Variants in GOLGA1 observed in about 807,000 individuals in gnomAD.
The protein encoded by GOLGA1 is golgin A1, also known as golgin subfamily A member 1.
A neutral mutation model predicts 119.7 loss-of-function variants in GOLGA1; 63 were observed. The observed-to-expected ratio is 0.53, with a 90% CI of 0.43 to 0.65. The LOEUF (loss-of-function observed/expected upper bound fraction) is 0.65, where lower values mean the gene tolerates loss of function less well. GOLGA1 is among the 30% of genes least tolerant of loss of function. The probability of loss-of-function intolerance (pLI) is 0.00; values close to 1 mark genes in which losing one functional copy is unlikely to be tolerated. For synonymous variants in GOLGA1, 318 were observed against 333.4 expected (o/e 0.95, Z 0.50); for missense variants, 798 against 912.8 (o/e 0.87, Z 1.62).
At position 124,881,897 on chromosome 9, in the gene GOLGA1, C is replaced by T; in HGVS notation, c.2023G>A (p.Ala675Thr). 6.2e-7 allele frequency: 1 copy of T among 1,611,944 alleles called. No individual in the cohort carries two copies. Among genetic ancestry groups the T allele is most frequent in the Non-Finnish European group, 8.5e-7 (1 of 1,178,608 alleles). Residue 675 changes from alanine to threonine, a missense_variant, in exon 21 of 23, where the codon GCA (alanine) becomes ACA (threonine). By Grantham distance (58) the Ala-to-Thr change is moderately conservative. Coordinates refer to ENST00000373555, the MANE Select transcript of GOLGA1 (RefSeq NM_002077.4). This position sits in a 1 kb window ranked among gnomAD's most constrained non-coding sequence, Gnocchi z 4.9. ...EVREKPGPEM[A>T]NMAPSVTNNT... Reference sequence around the variant, plus strand: ...TTCGTGACGGAAGGCGCCATGTTTGCCATCTCAGGTCCAGGTTTCTCCCGG... The same window carrying T: ...TTCGTGACGGAAGGCGCCATGTTTGTCATCTCAGGTCCAGGTTTCTCCCGG...
chr9:124,918,330 C>T (rs1003512795), intron 10 of GOLGA1, among the ~76,000 whole-genome samples: 1 of 152,164 alleles, frequency 6.6e-6, no homozygotes, highest in African/African-American at 2.4e-5. Flanking sequence ...TATGAACACC[C>T]AGCACAGAGC....
intron 10 of GOLGA1, among the ~76,000 whole-genome samples, chr9:124,920,444 T>C (rs978479826): frequency 6.6e-6 from 1 of 152,306 alleles, no homozygotes; most frequent in Non-Finnish European, 1.5e-5. Context: ...TTCATCTTTA[T>C]ATTCTCAGAG....
rs1406050606 is a variant in GOLGA1 at position 124,938,699 on chromosome 9, G to C, written c.13C>G (p.Leu5Val). Reference sequence around the variant, plus strand: ...GTCTCTTCTGCAATTTTCTTCTTCAGTTTTGCAAACATGTTTGCTGTGTGG... The same window carrying C: ...GTCTCTTCTGCAATTTTCTTCTTCACTTTTGCAAACATGTTTGCTGTGTGG... MFAKLKKKIAEETAV... is the reference protein window; with the variant it reads MFAKVKKKIAEETAV... Residue 5 changes from leucine to valine, a missense_variant, in exon 3 of 23, where the codon CTG becomes GTG. Leu to Val is a conservative substitution (Grantham distance 32). Transcript: ENST00000373555. 1 of 1,613,454 alleles carries C rather than the reference G, an allele frequency of 6.2e-7. No individual in the cohort carries two copies. Among genetic ancestry groups the C allele is most frequent in the Admixed American group, 1.7e-5 (1 of 59,872 alleles).
chr9:124,921,944 A>G (rs776763531), intron 8 of GOLGA1, 52 bp from the exon 9 acceptor site: 1 of 1,462,642 alleles, frequency 6.8e-7, no homozygotes, highest in Middle Eastern at 1.8e-4. Flanking sequence ...AAATACACTT[A>G]AGATCAGGCA....
chr9:124,921,104 GGTC>G (rs1355458819), intron 10 of GOLGA1, 22 bp downstream of exon 10: 2 of 1,297,338 alleles, frequency 1.5e-6, no homozygotes, highest in Non-Finnish European at 2.2e-6. Context: ...TAGAAATCCA[GGTC>G]TTCTCCTCAT....
chr9:124,922,426 CT>C (rs1053976567), intron 8 of GOLGA1, among the ~76,000 whole-genome samples: 8 of 151,118 alleles, frequency 5.3e-5, no homozygotes, highest in African/African-American at 1.9e-4. Context: ...GGTAGTGCGC[CT>C]GTAGTCCCAG....
intron 16 of GOLGA1, 115 bp from the exon 17 acceptor site, chr9:124,889,651 C>T (rs1164897301): frequency 1.3e-5 from 10 of 762,580 alleles, no homozygotes; most frequent in Non-Finnish European, 1.9e-5. Context: ...CTGAAGTCCA[C>T]GACCCAGAGC....
chr9:124,944,265 A>G (rs1333508938), upstream of GOLGA1: 1 of 152,146 alleles, frequency 6.6e-6, no homozygotes, highest in East Asian at 1.9e-4. Flanking sequence ...ACAAGTTAAC[A>G]AAAACCATTC....
chr9:124,939,493 C>T (rs1030699507), intron 2 of GOLGA1, among the ~76,000 whole-genome samples: 31 of 150,066 alleles, frequency 2.1e-4, no homozygotes, highest in African/African-American at 7.1e-4. Context: ...TTTCTAGAGA[C>T]GCTGTGTGGT....
chr9:124,920,286 AT>A (rs113594549), intron 10 of GOLGA1, among the ~76,000 whole-genome samples: 5,113 of 139,218 alleles, frequency 0.037, 215 homozygotes, highest in East Asian at 0.24. Context: ...CAACTGGCTA[AT>A]TTTTTTTTTT....
intron 1 of GOLGA1, among the ~76,000 whole-genome samples, chr9:124,940,722 A>G (rs2274556): frequency 0.66 from 100,566 of 152,110 alleles, 33,892 homozygotes; most frequent in African/African-American, 0.77. Context: ...TTTGACAGCA[A>G]GGAAACTGAG....
intron 10 of GOLGA1, among the ~76,000 whole-genome samples, chr9:124,920,286 ATT>A (rs113594549): frequency 1.7e-4 from 23 of 139,294 alleles, no homozygotes; most frequent in Admixed American, 2.2e-4. Flanking sequence ...CAACTGGCTA[ATT>A]TTTTTTTTTT....
chr9:124,890,694 C>T (rs1488318761), intron 15 of GOLGA1, among the ~76,000 whole-genome samples: 6 of 152,164 alleles, frequency 3.9e-5, no homozygotes, highest in Non-Finnish European at 7.3e-5. Flanking sequence ...CTGGAAATGG[C>T]ACACCACTGA....
In GOLGA1 at chr9:124,881,891, T is replaced by G; in HGVS notation, c.2029A>C (p.Met677Leu). Residue 677 changes from methionine (M) to leucine (L), a missense_variant, in exon 21 of 23, where the codon ATG becomes CTG. Met to Leu is a conservative substitution (Grantham distance 15). Coordinates refer to ENST00000373555, the MANE Select transcript of GOLGA1 (RefSeq NM_002077.4). The surrounding 1 kb of genome is among the most constrained non-coding windows in gnomAD (Gnocchi z 4.9). ...REKPGPEMAN[M>L]APSVTNNTDL... ...GTGTTATTCGTGACGGAAGGCGCCA[T>G]GTTTGCCATCTCAGGTCCAGGTTTC... The G allele has an allele frequency of 6.2e-7, 1 of 1,612,682 alleles. No homozygotes were observed. The highest frequency in any genetic ancestry group is 8.5e-7 in the Non-Finnish European group (1 of 1,178,992).
In GOLGA1 at chr9:124,888,471, G is replaced by T; in HGVS notation, c.1762-75C>A. ...TGAGCCACAGGTACACAGGGAAGGGGAGCTAGACTCGTCCCTTAGGTATGG... is the reference window on the plus strand; with the variant it reads ...TGAGCCACAGGTACACAGGGAAGGGTAGCTAGACTCGTCCCTTAGGTATGG... On this transcript the variant is annotated intron_variant, in intron 18 of 22. Transcript: ENST00000373555. The surrounding 1 kb of genome is among the most constrained non-coding windows in gnomAD (Gnocchi z 4.4). The T allele has an allele frequency of 7.4e-7, 1 of 1,353,482 alleles. No homozygotes were observed. The highest frequency in any genetic ancestry group is 1.1e-6 in the Non-Finnish European group (1 of 951,090). 83.8% of individuals were successfully genotyped at this position (1,353,482 alleles called of 1,614,324 possible). A position where few individuals can be genotyped will look rare whatever the true frequency, so the allele number is the denominator to read the frequency against.
intron 10 of GOLGA1, among the ~76,000 whole-genome samples, chr9:124,915,206 G>A (rs1192820712): frequency 6.6e-6 from 1 of 152,102 alleles, no homozygotes; most frequent in Non-Finnish European, 1.5e-5. Context: ...CTCTGTCATT[G>A]ACTCCAGCTG....
chr9:124,885,424 G>A (rs1424161442), intron 19 of GOLGA1, among the ~76,000 whole-genome samples: 2 of 150,872 alleles, frequency 1.3e-5, no homozygotes, highest in African/African-American at 4.9e-5. Flanking sequence ...GGCAGAGGTC[G>A]CAGTGAGCCA....
chr9:124,916,928 C>A (rs1476049813), intron 10 of GOLGA1, among the ~76,000 whole-genome samples: 1 of 136,656 alleles, frequency 7.3e-6, no homozygotes, highest in Non-Finnish European at 1.6e-5. Flanking sequence ...AACCCACCAT[C>A]GACAAAAATT....
intron 12 of GOLGA1, among the ~76,000 whole-genome samples, chr9:124,907,609 A>C (rs1830259849): frequency 6.6e-6 from 1 of 152,228 alleles, no homozygotes; most frequent in Admixed American, 6.5e-5. Context: ...CCAAATAAGA[A>C]AAGACTGAAA....
Sources: gnomAD v4.1 joint callset for allele counts (sites outside exome capture counted in the v4.1 genomes callset) on GRCh38, gnomAD v4.1.1 for gene constraint, Gnocchi (gnomAD v3.1) non-coding constraint, MANE v1.5 for transcripts, NCBI Gene and HGNC (gene_info 2026-07-23, HGNC 2026-07-21) for gene names.